ERCC4: variants seen among roughly 807,000 people sequenced by gnomAD.
The protein encoded by ERCC4 is ERCC excision repair 4, endonuclease catalytic subunit, also known as DNA repair endonuclease XPF.
A neutral mutation model predicts 76.9 loss-of-function variants in ERCC4; 65 were observed. The ratio of observed to expected loss-of-function variants is 0.84; its 90% CI spans 0.69 to 1.04. The LOEUF is 1.04. Among genes scored for constraint, ERCC4 ranks in the 50% least tolerant of loss-of-function variants. The pLI, the probability that ERCC4 is intolerant of heterozygous loss-of-function variation, is 0.00. For synonymous variants in ERCC4, 463 were observed against 410.1 expected (o/e 1.13, Z -1.56); for missense variants, 1,214 against 1,128.2 (o/e 1.08, Z -1.09).
At chr16:13,936,897 C>A (rs189086279) in intron 8 of ERCC4, among the ~76,000 whole-genome samples, 116 of 137,334 alleles carry the variant, frequency 8.4e-4, no homozygotes, top group East Asian at 7.2e-3. Context: ...GAAAAGCAGG[C>A]CTTTTTTTTT....
rs3136145 is a variant in ERCC4, at chr16:13,934,133, T to C, written c.1103-59T>C. The stretch of plus-strand genomic sequence containing the variant: ...TGTTATCTGTTGTTTTAAAAGCCTT[T>C]GGAAGACTTTATGGGTAAATATTAT... On this transcript the variant is annotated intron_variant, in intron 6 of 10. Transcript: ENST00000311895. 555 of 1,121,928 alleles carry C rather than the reference T, an allele frequency of 4.9e-4. 2 individuals carry two copies. The African/African-American group carries it at 6.9e-3, about 14-fold the overall frequency. The allele number at this position is 1,121,928 out of a possible 1,614,324, so 69.5% of individuals were successfully genotyped here.
rs1441468979 is a variant in ERCC4, at chr16:13,926,672, A to G, written c.500A>G (p.Asn167Ser). Reference sequence around the variant, plus strand: ...GGTTTTATTAAAGCTTTCACAGACAATGCTGTTGCCTTTGATACTGGTTTT... The same window carrying G: ...GGTTTTATTAAAGCTTTCACAGACAGTGCTGTTGCCTTTGATACTGGTTTT... ...KRGFIKAFTD[N>S]AVAFDTGFCH... The change falls in exon 3 of 11, where the codon AAT becomes AGT. Residue 167 changes from asparagine to serine, a missense_variant. Asn to Ser is a conservative substitution (Grantham distance 46). Coordinates refer to ENST00000311895, the MANE Select transcript of ERCC4 (RefSeq NM_005236.3). 4.3e-6 allele frequency: 7 copies of G among 1,613,962 alleles called. No homozygotes were observed. The South Asian group carries it at 5.5e-5, about 13-fold the overall frequency.
At chr16:13,922,266 A>G in intron 2 of ERCC4, 55 bp downstream of exon 2, 1 of 1,179,496 alleles carries the variant, frequency 8.5e-7, no homozygotes, top group Admixed American at 1.9e-5. Context: ...TTTTTTTTTA[A>G]GTACAATTTC....
intron 6 of ERCC4, 94 bp downstream of exon 6, chr16:13,932,379 GA>G (rs1472132265): frequency 1.7e-6 from 2 of 1,145,356 alleles, no homozygotes; most frequent in African/African-American, 3.1e-5. Flanking sequence ...TTGGCCATGT[GA>G]AAAGTGTGTT....
intron 10 of ERCC4, among the ~76,000 whole-genome samples, chr16:13,947,241 A>C (rs2032531660): frequency 6.6e-6 from 1 of 152,156 alleles, no homozygotes; most frequent in Non-Finnish European, 1.5e-5. Flanking sequence ...TTTAACATCT[A>C]CTGGGGCCGC....
Position 13,933,211 on chromosome 16 carries a change from C to T in ERCC4, c.1102+926C>T, listed in dbSNP as rs2032217878. 1.8e-5 allele frequency: 3 copies of T among 169,988 alleles called. No homozygotes were observed. The East Asian group carries it at 5.5e-4, about 31-fold the overall frequency. 10.5% of individuals were successfully genotyped at this position (169,988 alleles called of 1,614,324 possible). On this transcript the variant is annotated intron_variant, in intron 6 of 10. Coordinates refer to ENST00000311895, the MANE Select transcript of ERCC4 (RefSeq NM_005236.3). ...CTCCAGCCTGGGTGACAGAGTACGA[C>T]TGTGTCTCAAAACTAATAAATAAAG...
Position 13,949,904 on chromosome 16 carries a change from TGAACTAATAGACAGTG to T in ERCC4, c.*1560_*1575del, listed in dbSNP as rs562184125. ...CTGTTTTTTTGTTTGCTACACTATT[TGAACTAATAGACAGTG>T]GATCATGTAACACAAAATTGTCTTC... On this transcript the variant is annotated 3_prime_UTR_variant, in exon 11 of 11. Coordinates refer to ENST00000311895, the MANE Select transcript of ERCC4 (RefSeq NM_005236.3). 1.9e-3 allele frequency: 446 copies of T among 232,520 alleles called. 1 individual carries two copies. Among genetic ancestry groups the T allele is most frequent in the African/African-American group, 9.4e-3 (427 of 45,412 alleles). The allele number at this position is 232,520 out of a possible 1,614,324, so 14.4% of individuals were successfully genotyped here.
chr16:13,920,871 C>T (rs923465740), intron 1 of ERCC4, among the ~76,000 whole-genome samples: 6 of 150,944 alleles, frequency 4.0e-5, no homozygotes, highest in Admixed American at 3.9e-4. Flanking sequence ...GGATGCAATT[C>T]CCTGACAACA....
Position 13,944,853 on chromosome 16 carries a change from T to A in ERCC4, c.2017+18T>A. On this transcript the variant is annotated intron_variant, in intron 10 of 10. Coordinates refer to ENST00000311895, the MANE Select transcript of ERCC4 (RefSeq NM_005236.3). ...GAAAGCCGGTGAGTCCTGCACTTTG[T>A]CAGGCACCTCCATTGCCTGCAAAGG... The A allele has an allele frequency of 6.8e-7, 1 of 1,473,994 alleles. No homozygotes were observed. Among genetic ancestry groups the A allele is most frequent in the Non-Finnish European group, 9.5e-7 (1 of 1,052,410 alleles). The allele number at this position is 1,473,994 out of a possible 1,614,324, so 91.3% of individuals were successfully genotyped here.
chr16:13,939,641 C>G (rs762690145), intron 9 of ERCC4, among the ~76,000 whole-genome samples: 6 of 152,124 alleles, frequency 3.9e-5, no homozygotes, highest in Non-Finnish European at 8.8e-5. Context: ...TAAGACCGCA[C>G]TGAAGCATTC....
Position 13,935,350 on chromosome 16 carries a change from A to C in ERCC4, c.1418A>C (p.Gln473Pro), listed in dbSNP as rs2141607230. 2 of 1,610,386 alleles carry C rather than the reference A, an allele frequency of 1.2e-6. No individual in the cohort carries two copies. The highest frequency in any genetic ancestry group is 1.3e-5 in the African/African-American group (1 of 74,620). The stretch of plus-strand genomic sequence containing the variant: ...TCTCACAAAAGACCTAAAGACCCCC[A>C]AAACAAAGAACGGGCTTCTACCAAA... ...RKSHKRPKDP[Q>P]NKERASTKER... Residue 473 changes from glutamine (Q) to proline (P), a missense_variant, in exon 8 of 11, where the codon CAA (glutamine) becomes CCA (proline). By Grantham distance (76) the Gln-to-Pro change is moderately conservative. Coordinates refer to ENST00000311895, the MANE Select transcript of ERCC4 (RefSeq NM_005236.3).
At chr16:13,940,643 G>C (rs1258155727) in intron 9 of ERCC4, among the ~76,000 whole-genome samples, 1 of 152,208 alleles carries the variant, frequency 6.6e-6, no homozygotes, top group Non-Finnish European at 1.5e-5. Flanking sequence ...GCTGGCTACA[G>C]CTCCTCAGAC....
In ERCC4 at chr16:13,949,864, T is replaced by G; in HGVS notation, c.*1517T>G. On this transcript the variant is annotated 3_prime_UTR_variant, in exon 11 of 11. Coordinates refer to ENST00000311895, the MANE Select transcript of ERCC4 (RefSeq NM_005236.3). Reference sequence around the variant, plus strand: ...GCTAGCCATATCACATATTTTAATGTTTCATCAACATCAGCTGTTTTTTTG... The same window carrying G: ...GCTAGCCATATCACATATTTTAATGGTTCATCAACATCAGCTGTTTTTTTG... 4.3e-6 allele frequency: 1 copy of G among 232,722 alleles called. No homozygotes were observed. Among genetic ancestry groups the G allele is most frequent in the Non-Finnish European group, 8.5e-6 (1 of 117,768 alleles). 14.4% of individuals were successfully genotyped at this position (232,722 alleles called of 1,614,324 possible). A position where few individuals can be genotyped will look rare whatever the true frequency, so the allele number is the denominator to read the frequency against.
intron 3 of ERCC4, chr16:13,927,557 CA>C (rs527349868): frequency 0.029 from 1,500 of 52,124 alleles, 8 homozygotes; most frequent in African/African-American, 0.051. Context: ...AACTCCATCT[CA>C]AAAAAAAAAA....
chr16:13,932,376 T>C (rs935120852), intron 6 of ERCC4, 91 bp downstream of exon 6: 6 of 1,135,230 alleles, frequency 5.3e-6, no homozygotes, highest in South Asian at 5.2e-5. Flanking sequence ...TCTTTGGCCA[T>C]GTGAAAAGTG....
intron 2 of ERCC4, among the ~76,000 whole-genome samples, chr16:13,924,786 C>G (rs2032042699): frequency 6.6e-6 from 1 of 152,138 alleles, no homozygotes; most frequent in South Asian, 2.1e-4. Flanking sequence ...ATTCTATGAT[C>G]TCTGTGATCT....
rs986892319 is a variant in ERCC4, at chr16:13,948,956, C to G, written c.*609C>G. On this transcript the variant is annotated 3_prime_UTR_variant, in exon 11 of 11. Coordinates refer to ENST00000311895, the MANE Select transcript of ERCC4 (RefSeq NM_005236.3). The stretch of plus-strand genomic sequence containing the variant: ...GAAACATCTCTTTGCCATTCCTGAC[C>G]AGTTCTCTCTACCACATTTTCTTCA... The G allele has an allele frequency of 2.6e-5, 6 of 232,500 alleles. No individual in the cohort carries two copies. Among genetic ancestry groups the G allele is most frequent in the African/African-American group, 1.1e-4 (5 of 45,244 alleles). 14.4% of individuals were successfully genotyped at this position (232,500 alleles called of 1,614,324 possible). A position where few individuals can be genotyped will look rare whatever the true frequency, so the allele number is the denominator to read the frequency against.
Position 13,945,867 on chromosome 16 carries a change from C to T in ERCC4, c.2017+1032C>T, listed in dbSNP as rs3136212. 4.4e-3 allele frequency among the ~76,000 whole-genome samples: 670 copies of T among 152,334 alleles called. 3 individuals are homozygous for T. Among genetic ancestry groups the T allele is most frequent in the African/African-American group, 0.015 (616 of 41,564 alleles). On this transcript the variant is annotated intron_variant, in intron 10 of 10. Transcript: ENST00000311895. ...TCTTTCCTTAGAGATCAGTTCTCCA[C>T]GCCTTCATATTAGTTGCCTATGGCT...
intron 9 of ERCC4, among the ~76,000 whole-genome samples, chr16:13,941,349 C>CTTA (rs1343539126): frequency 6.6e-6 from 1 of 152,198 alleles, no homozygotes; most frequent in African/African-American, 2.4e-5. Flanking sequence ...TGTTAAGAAT[C>CTTA]TTAAGATACT....
Sources: allele counts gnomAD v4.1 joint callset (sites outside exome capture counted in the v4.1 genomes callset), GRCh38; gene constraint gnomAD v4.1.1; transcripts MANE v1.5; gene names NCBI Gene and HGNC (gene_info 2026-07-23, HGNC 2026-07-21).